LIMS1: variants seen among roughly 807,000 people sequenced by gnomAD.
The protein encoded by LIMS1 is LIM and senescent cell antigen-like-containing domain protein 1.
In LIMS1, 18 loss-of-function variants were observed where a neutral mutation model predicts 44.1. The observed-to-expected ratio is 0.41, with a 90% CI of 0.28 to 0.61. The LOEUF (loss-of-function observed/expected upper bound fraction) is 0.61. LIMS1 is among the 20% of genes least tolerant of loss of function. The pLI, the probability that LIMS1 is intolerant of heterozygous loss-of-function variation, is 0.32. For missense variants in LIMS1, 201 were observed against 422.0 expected (o/e 0.48, Z 4.59); for synonymous variants, 93 against 149.1 (o/e 0.62, Z 2.74).
At chr2:108,671,745 C>CCTA (rs1692174248) in intron 3 of LIMS1, among the ~76,000 whole-genome samples, 1 of 152,106 alleles carries the variant, frequency 6.6e-6, no homozygotes. Flanking sequence ...TTCAAGAGAG[C>CCTA]CTAGTAGCTC....
chr2:108,574,191 G>C (rs138197030), intron 1 of LIMS1, among the ~76,000 whole-genome samples: 7 of 152,248 alleles, frequency 4.6e-5, no homozygotes, highest in Non-Finnish European at 1.0e-4. Context: ...TTGTAATGGA[G>C]TTTCCATTTT....
chr2:108,640,153 C>T (rs916609390), intron 1 of LIMS1, among the ~76,000 whole-genome samples: 8 of 152,136 alleles, frequency 5.3e-5, no homozygotes, highest in African/African-American at 1.2e-4. Flanking sequence ...GGAGTAAGAG[C>T]GTCACAAGAG....
intron 1 of LIMS1, among the ~76,000 whole-genome samples, chr2:108,593,343 C>G (rs1192903624): frequency 1.3e-5 from 2 of 152,064 alleles, no homozygotes; most frequent in African/African-American, 4.8e-5. Context: ...TTTCTTAAAT[C>G]TTCTCCCCTT....
At chr2:108,621,899 T>C (rs1446682872) in intron 1 of LIMS1, among the ~76,000 whole-genome samples, 3 of 152,028 alleles carry the variant, frequency 2.0e-5, no homozygotes, top group South Asian at 2.1e-4. Context: ...ACTGAAATGG[T>C]GTAACAAAGG....
At chr2:108,614,000 C>T (rs946573547) in intron 1 of LIMS1, among the ~76,000 whole-genome samples, 5 of 152,116 alleles carry the variant, frequency 3.3e-5, no homozygotes, top group Admixed American at 2.0e-4. Context: ...GCAGGCTCCA[C>T]GAGGCCACTG....
chr2:108,563,286 A>C (rs1685186051), intron 1 of LIMS1, among the ~76,000 whole-genome samples: 1 of 152,248 alleles, frequency 6.6e-6, no homozygotes, highest in African/African-American at 2.4e-5. Context: ...TAAATTGCAT[A>C]GGCTATATAG....
intron 1 of LIMS1, among the ~76,000 whole-genome samples, chr2:108,656,273 T>C (rs981021004): frequency 1.3e-5 from 2 of 150,270 alleles, no homozygotes; most frequent in Non-Finnish European, 3.0e-5. Context: ...GCTTCATCAG[T>C]CATGCCTGTC....
intron 1 of LIMS1, chr2:108,607,297 T>C (rs1687324528): frequency 6.5e-7 from 1 of 1,536,756 alleles, no homozygotes; most frequent in Admixed American, 2.0e-5. Context: ...CCCCTCCAAA[T>C]GAAACACAAA....
intron 1 of LIMS1, among the ~76,000 whole-genome samples, chr2:108,581,683 A>ATC (rs1685891388): frequency 6.6e-6 from 1 of 152,162 alleles, no homozygotes; most frequent in African/African-American, 2.4e-5. Context: ...CATGCCTGTA[A>ATC]TCCTAGCACT....
intron 1 of LIMS1, among the ~76,000 whole-genome samples, chr2:108,580,118 G>T (rs983062480): frequency 6.6e-6 from 1 of 152,176 alleles, no homozygotes; most frequent in African/African-American, 2.4e-5. Flanking sequence ...AAATACTGGG[G>T]TTGCTCCCAG....
intron 1 of LIMS1, among the ~76,000 whole-genome samples, chr2:108,550,932 G>C (rs553283014): frequency 3.2e-4 from 49 of 152,086 alleles, no homozygotes; most frequent in South Asian, 2.9e-3. Context: ...ACCAGCCTGG[G>C]CAACATAACA....
chr2:108,552,104 A>C (rs1234911303), intron 1 of LIMS1, among the ~76,000 whole-genome samples: 5 of 146,030 alleles, frequency 3.4e-5, no homozygotes, highest in Non-Finnish European at 6.0e-5. Context: ...ATATTGAGAG[A>C]GTTAACTATA....
intron 2 of LIMS1, among the ~76,000 whole-genome samples, chr2:108,670,114 T>C (rs1692064866): frequency 6.6e-6 from 1 of 152,156 alleles, no homozygotes; most frequent in Non-Finnish European, 1.5e-5. Flanking sequence ...GCACATAAAA[T>C]GAAAACAGTT....
chr2:108,602,270 C>T (rs542707180), intron 1 of LIMS1, among the ~76,000 whole-genome samples: 1 of 152,200 alleles, frequency 6.6e-6, no homozygotes, highest in South Asian at 2.1e-4. Context: ...GACTTCTTTC[C>T]AATTTGGATG....
intron 1 of LIMS1, among the ~76,000 whole-genome samples, chr2:108,650,250 A>G (rs745481940): frequency 5.9e-5 from 9 of 152,212 alleles, no homozygotes; most frequent in Non-Finnish European, 1.2e-4. Context: ...GCCTGAATAT[A>G]AAAGTTGAGC....
At chr2:108,627,554 G>A (rs143022937) in intron 1 of LIMS1, among the ~76,000 whole-genome samples, 4 of 152,092 alleles carry the variant, frequency 2.6e-5, no homozygotes, top group African/African-American at 9.6e-5. Context: ...CAATAATTTG[G>A]TTGCTTTCCT....
At chr2:108,646,340 A>G (rs1690060739) in intron 1 of LIMS1, among the ~76,000 whole-genome samples, 1 of 152,178 alleles carries the variant, frequency 6.6e-6, no homozygotes, top group Non-Finnish European at 1.5e-5. Flanking sequence ...TCAAAACCAC[A>G]CAACTATGTT....
At chr2:108,663,926 G>T (rs2148979605) in intron 2 of LIMS1, among the ~76,000 whole-genome samples, 1 of 151,814 alleles carries the variant, frequency 6.6e-6, no homozygotes, top group East Asian at 2.0e-4. Flanking sequence ...AGCTAATTTT[G>T]CATTTTTATT....
chr2:108,657,443 A>G (rs1198917226), intron 1 of LIMS1, among the ~76,000 whole-genome samples: 3 of 152,310 alleles, frequency 2.0e-5, no homozygotes, highest in East Asian at 1.9e-4. Context: ...CCTCAGAACA[A>G]TAATGAGAAC....
Sources: gnomAD v4.1 joint callset for allele counts (sites outside exome capture counted in the v4.1 genomes callset) on GRCh38, gnomAD v4.1.1 for gene constraint, MANE v1.5 for transcripts, NCBI Gene and HGNC (gene_info 2026-07-23, HGNC 2026-07-21) for gene names.